The following SMURF2 variants were observed in gnomAD, a reference collection of about 807,000 sequenced individuals.
The protein encoded by SMURF2 is E3 ubiquitin-protein ligase SMURF2.
A neutral mutation model predicts 109.6 loss-of-function variants in SMURF2; 48 were observed. The ratio of observed to expected loss-of-function variants is 0.44; its 90% confidence interval spans 0.35 to 0.56. SMURF2 has a LOEUF of 0.56. SMURF2 is among the 20% of genes least tolerant of loss of function. The pLI, the probability that SMURF2 is intolerant of heterozygous loss-of-function variation, is 0.01. For synonymous variants in SMURF2, 288 were observed against 317.1 expected (o/e 0.91, Z 0.97); for missense variants, 575 against 909.0 (o/e 0.63, Z 4.72).
intron 5 of SMURF2, among the ~76,000 whole-genome samples, chr17:64,586,747 T>C (rs112008416): frequency 2.0e-3 from 181 of 89,902 alleles, no homozygotes; most frequent in African/African-American, 9.5e-3. Context: ...CGAGACTCCG[T>C]CTCAAAAAAA....
At chr17:64,638,160 G>A (rs1555692281) in intron 1 of SMURF2, among the ~76,000 whole-genome samples, 1 of 150,706 alleles carries the variant, frequency 6.6e-6, no homozygotes, top group Non-Finnish European at 1.5e-5. Flanking sequence ...CCACCTCCTG[G>A]GTTCAAGTGA....
In SMURF2 at chr17:64,544,494, A is replaced by G. The variant is rs1330013326; in HGVS notation, c.*1354T>C. ...TTTGATGGTTGAATTTAAAAATCCA[A>G]CTGTGATTTCAGATTTTTTCAATCC... On this transcript the variant is annotated 3_prime_UTR_variant, in exon 19 of 19. Coordinates refer to ENST00000262435, the MANE Select transcript of SMURF2 (RefSeq NM_022739.4). 1 of 152,178 alleles carries G rather than the reference A, an allele frequency of 6.6e-6. No homozygotes were observed. Among genetic ancestry groups the G allele is most frequent in the African/African-American group, 2.4e-5 (1 of 41,434 alleles). The allele number at this position is 152,178 out of a possible 1,614,324, so 9.4% of individuals were successfully genotyped here.
chr17:64,590,406 G>A (rs1969735605), intron 5 of SMURF2, among the ~76,000 whole-genome samples: 1 of 152,030 alleles, frequency 6.6e-6, no homozygotes, highest in Non-Finnish European at 1.5e-5. Flanking sequence ...GCCTCCCAAA[G>A]TGCTGGGATT....
intron 1 of SMURF2, among the ~76,000 whole-genome samples, chr17:64,630,650 A>T (rs1291617997): frequency 6.6e-6 from 1 of 152,226 alleles, no homozygotes; most frequent in East Asian, 1.9e-4. Context: ...AGTTGAAACA[A>T]TTTTAGCAGA....
intron 1 of SMURF2, among the ~76,000 whole-genome samples, chr17:64,658,281 C>T (rs1480954244): frequency 6.6e-6 from 1 of 152,030 alleles, no homozygotes; most frequent in Non-Finnish European, 1.5e-5. Flanking sequence ...CACTTGAACC[C>T]GGGAGGTGGA....
At chr17:64,552,382 C>T (rs1225215885) in intron 15 of SMURF2, among the ~76,000 whole-genome samples, 1 of 152,204 alleles carries the variant, frequency 6.6e-6, no homozygotes, top group Non-Finnish European at 1.5e-5. Flanking sequence ...TCATGCATCA[C>T]AGAACTTACT....
At chr17:64,570,921 C>T (rs1181990723) in intron 10 of SMURF2, among the ~76,000 whole-genome samples, 1 of 152,154 alleles carries the variant, frequency 6.6e-6, no homozygotes, top group African/African-American at 2.4e-5. Flanking sequence ...GCTGGGACCA[C>T]AGGTGCGCAC....
chr17:64,557,355 A>C (rs1969136943), intron 13 of SMURF2, among the ~76,000 whole-genome samples: 1 of 152,200 alleles, frequency 6.6e-6, no homozygotes, highest in Non-Finnish European at 1.5e-5. Flanking sequence ...GTCATAATTT[A>C]ATCAGTCCCC....
intron 9 of SMURF2, among the ~76,000 whole-genome samples, chr17:64,574,097 C>T (rs1166150853): frequency 6.6e-6 from 1 of 151,240 alleles, no homozygotes; most frequent in Non-Finnish European, 1.5e-5. Context: ...TTACCTATAA[C>T]AAACCTGCAC....
rs781796739 is a variant in SMURF2 at position 64,561,586 on chromosome 17, G to A, written c.1230C>T (p.Val410=). 1.1e-5 allele frequency: 18 copies of A among 1,612,198 alleles called. No homozygotes were observed. The highest frequency in any genetic ancestry group is 1.7e-4 in the Middle Eastern group (1 of 5,812). The change falls in exon 12 of 19, where the codon GTC becomes GTT. Residue 410 remains valine, a synonymous_variant. Coordinates refer to ENST00000262435, the MANE Select transcript of SMURF2 (RefSeq NM_022739.4). ...EEIFEESYRQ[V]MKMRPKDLWK... is the part of the protein sequence containing the mutation. ...AGAGATCTTTTGGTCTCATTTTCAT[G>A]ACCTGTCGATATGATTCCTGAAAAA...
At chr17:64,661,806 C>G in intron 1 of SMURF2, 23 bp downstream of exon 1, 1 of 1,220,058 alleles carries the variant, frequency 8.2e-7, no homozygotes, top group Non-Finnish European at 1.0e-6. Context: ...GGCTGCCCAG[C>G]CCGGCCCGCC....
chr17:64,650,290 G>A (rs1454330656), intron 1 of SMURF2, among the ~76,000 whole-genome samples: 4 of 147,668 alleles, frequency 2.7e-5, no homozygotes, highest in Non-Finnish European at 5.9e-5. Context: ...TCCAGTCTCA[G>A]CCTCCTAGAC....
At chr17:64,577,694 C>T (rs1555686190) in intron 9 of SMURF2, among the ~76,000 whole-genome samples, 1 of 151,704 alleles carries the variant, frequency 6.6e-6, no homozygotes, top group Non-Finnish European at 1.5e-5. Flanking sequence ...CTCCATGGCT[C>T]AAGCAATCCT....
At chr17:64,556,659 T>A (rs772073853) in intron 13 of SMURF2, among the ~76,000 whole-genome samples, 1 of 152,312 alleles carries the variant, frequency 6.6e-6, no homozygotes, top group East Asian at 1.9e-4. Flanking sequence ...GGGGCAGTAG[T>A]GGGCCCTCCA....
At chr17:64,597,655 C>T (rs1293063562) in intron 3 of SMURF2, among the ~76,000 whole-genome samples, 1 of 151,700 alleles carries the variant, frequency 6.6e-6, no homozygotes, top group African/African-American at 2.4e-5. Context: ...CACCTGTAGT[C>T]CCAGCTACTC....
intron 15 of SMURF2, among the ~76,000 whole-genome samples, chr17:64,554,397 G>T (rs1555683848): frequency 6.6e-6 from 1 of 152,188 alleles, no homozygotes; most frequent in Non-Finnish European, 1.5e-5. Context: ...TGGCTATCTT[G>T]TTGGGAGAGA....
At chr17:64,598,332 T>A (rs1278226823) in intron 3 of SMURF2, 50 bp downstream of exon 3, 1 of 1,389,376 alleles carries the variant, frequency 7.2e-7, no homozygotes, top group Non-Finnish European at 9.9e-7. Context: ...AAAGACTATA[T>A]CAAATAATTT....
rs1043740120 is a variant in SMURF2 at position 64,581,884 on chromosome 17, G to A, written c.570-893C>T. ...TGCTTGAATCCAGGAGGCAGAGGTT[G>A]CAGTGGGCAGAGGTTGCAGTGAGCC... On this transcript the variant is annotated intron_variant, in intron 7 of 18. Coordinates refer to ENST00000262435, the MANE Select transcript of SMURF2 (RefSeq NM_022739.4). The surrounding 1 kb of genome is among the most constrained non-coding windows in gnomAD (Gnocchi z 4.3). 2.6e-5 allele frequency among the ~76,000 whole-genome samples: 4 copies of A among 151,434 alleles called. No homozygotes were observed. Among genetic ancestry groups the A allele is most frequent in the Non-Finnish European group, 5.9e-5 (4 of 67,918 alleles).
chr17:64,556,602 C>T lies in SMURF2; in HGVS notation c.1432-604G>A, dbSNP rs541059160. The stretch of plus-strand genomic sequence containing the variant: ...GATGTTTGAAACCCATGGAACTGGA[C>T]CTGGCATGTTATAAGCAGTCAATGA... On this transcript the variant is annotated intron_variant, in intron 13 of 18. Coordinates refer to ENST00000262435, the MANE Select transcript of SMURF2 (RefSeq NM_022739.4). Among the ~76,000 whole-genome samples, 377 of 152,284 alleles carry T rather than the reference C, an allele frequency of 2.5e-3. 4 individuals are homozygous for T. The highest frequency in any genetic ancestry group is 4.1e-3 in the Admixed American group (63 of 15,296).
Sources: allele counts gnomAD v4.1 joint callset (sites outside exome capture counted in the v4.1 genomes callset), GRCh38; gene constraint gnomAD v4.1.1; non-coding constraint Gnocchi (gnomAD v3.1); transcripts MANE v1.5; gene names NCBI Gene and HGNC (gene_info 2026-07-23, HGNC 2026-07-21).